The following KIF18A variants were observed in gnomAD, a reference collection of about 807,000 sequenced individuals.
KIF18A encodes kinesin family member 18A.
A neutral mutation model predicts 103.3 loss-of-function variants in KIF18A; 67 were observed. That is an observed-to-expected ratio of 0.65 (90% CI 0.53 to 0.79). The LOEUF is 0.79. Among genes scored for constraint, KIF18A ranks in the 30% least tolerant of loss-of-function variants. The pLI, the probability that KIF18A is intolerant of heterozygous loss-of-function variation, is 0.00. For missense variants in KIF18A, 1,032 were observed against 1,062.5 expected, an observed-to-expected ratio of 0.97 and a Z score of 0.40; for synonymous variants, 367 against 355.5, an observed-to-expected ratio of 1.03 and a Z score of -0.36.
chr11:28,085,551 C>T lies in KIF18A; in HGVS notation c.898-743G>A, dbSNP rs118024556. Among the ~76,000 whole-genome samples, 181 of 152,326 alleles carry T rather than the reference C, an allele frequency of 1.2e-3. 2 individuals carry two copies. The highest frequency in any genetic ancestry group is 9.7e-3 in the East Asian group (50 of 5,174). ...ACACGGATGTATGCGCCATCTCTCT[C>T]TCTGTTATCGGCTACCTAAGAGGGA... On this transcript the variant is annotated intron_variant, in intron 6 of 16. Transcript: ENST00000263181.
At chr11:28,074,290 C>G (rs561847543) in intron 10 of KIF18A, among the ~76,000 whole-genome samples, 1 of 152,184 alleles carries the variant, frequency 6.6e-6, no homozygotes, top group South Asian at 2.1e-4. Context: ...TTCACAACAA[C>G]AAATTGATAA....
chr11:28,096,168 T>G, intron 2 of KIF18A, among the ~76,000 whole-genome samples: 1 of 62,578 alleles, frequency 1.6e-5, no homozygotes, highest in African/African-American at 7.5e-5. Context: ...ACAGCAAGAC[T>G]TCATCAAAAA....
At chr11:28,069,536 C>T (rs1565082833) in intron 10 of KIF18A, 113 bp from the exon 11 acceptor site, 3 of 1,008,604 alleles carry the variant, frequency 3.0e-6, no homozygotes, top group South Asian at 3.9e-5. Flanking sequence ...TTAAGTTAGG[C>T]TACATTTTTG....
At chr11:28,057,429 G>A (rs779946662) in intron 13 of KIF18A, among the ~76,000 whole-genome samples, 5 of 152,036 alleles carry the variant, frequency 3.3e-5, no homozygotes, top group Non-Finnish European at 5.9e-5. Flanking sequence ...GCAGGAGAAT[G>A]GTGTGAACCC....
At chr11:28,051,232 G>T (rs899924710) in intron 13 of KIF18A, among the ~76,000 whole-genome samples, 9 of 151,494 alleles carry the variant, frequency 5.9e-5, no homozygotes, top group Admixed American at 4.0e-4. Flanking sequence ...ACAAAGCAAA[G>T]AATATTTTTC....
chr11:28,076,974 T>A, intron 10 of KIF18A, 33 bp downstream of exon 10: 2 of 1,100,770 alleles, frequency 1.8e-6, no homozygotes, highest in Non-Finnish European at 2.5e-6. Flanking sequence ...GTTTTTATAC[T>A]TTCTAAAATT....
chr11:28,042,031 A>C (rs1850567150), intron 13 of KIF18A, among the ~76,000 whole-genome samples: 1 of 151,610 alleles, frequency 6.6e-6, no homozygotes, highest in African/African-American at 2.4e-5. Flanking sequence ...TAACTGTAGG[A>C]GTCCTGGAAT....
intron 4 of KIF18A, among the ~76,000 whole-genome samples, chr11:28,091,175 T>TAC (rs1263540028): frequency 6.6e-6 from 1 of 151,912 alleles, no homozygotes; most frequent in Non-Finnish European, 1.5e-5. Flanking sequence ...CATACATACA[T>TAC]ACATACATAC....
At chr11:28,079,099 T>A (rs935609954) in intron 9 of KIF18A, among the ~76,000 whole-genome samples, 1 of 152,080 alleles carries the variant, frequency 6.6e-6, no homozygotes, top group Non-Finnish European at 1.5e-5. Flanking sequence ...ACTTATTTCA[T>A]AGCTCAGGCC....
chr11:28,037,062 T>G (rs1469721874), intron 13 of KIF18A, among the ~76,000 whole-genome samples: 1 of 151,588 alleles, frequency 6.6e-6, no homozygotes, highest in African/African-American at 2.4e-5. Context: ...ACTTGTTCCA[T>G]TGTAAAATAT....
At chr11:28,058,662 CAAAAAAAAAAAAAAAAA>C (rs58273868) in intron 13 of KIF18A, among the ~76,000 whole-genome samples, 23 of 64,438 alleles carry the variant, frequency 3.6e-4, no homozygotes, top group African/African-American at 7.2e-4. Context: ...ACCCTGTCAC[CAAAAAAAAAAAAAAAAA>C]AAAAAAAAAA....
rs1315555812 is a variant in KIF18A, at chr11:28,021,250, T to A, written c.2647A>T (p.Ser883Cys). The A allele has an allele frequency of 4.0e-6, 6 of 1,493,332 alleles. No individual in the cohort carries two copies. Among genetic ancestry groups the A allele is most frequent in the Non-Finnish European group, 5.4e-6 (6 of 1,112,926 alleles). The allele number at this position is 1,493,332 out of a possible 1,614,324, so 92.5% of individuals were successfully genotyped here. A position where few individuals can be genotyped will look rare whatever the true frequency, so the allele number is the denominator to read the frequency against. ...TTTCTTCCAAATTTTCTAACCATGC[T>A]TGGATTTATTTTACAGATGTTTCTT... ...HKRNICKINP[S>C]MVRKFGRNIS... The change falls in exon 17 of 17, where the codon AGC (serine) becomes TGC (cysteine). Residue 883 changes from serine (S) to cysteine (C), a missense_variant. Ser to Cys is a moderately radical substitution (Grantham distance 112, BLOSUM62 -1). Transcript: ENST00000263181.
chr11:28,088,466 T>A, intron 6 of KIF18A, 58 bp downstream of exon 6: 1 of 1,364,452 alleles, frequency 7.3e-7, no homozygotes, highest in Non-Finnish European at 1.0e-6. Context: ...TTAAATAGTA[T>A]CTTTCTTATC....
At chr11:28,025,609 C>A (rs969246738) in intron 15 of KIF18A, among the ~76,000 whole-genome samples, 13 of 151,716 alleles carry the variant, frequency 8.6e-5, no homozygotes, top group African/African-American at 3.1e-4. Context: ...TAATAAATTG[C>A]GTATTTATAT....
intron 11 of KIF18A, among the ~76,000 whole-genome samples, chr11:28,063,788 G>T (rs936673618): frequency 2.6e-5 from 4 of 151,838 alleles, no homozygotes; most frequent in Non-Finnish European, 5.9e-5. Context: ...TCCTCCTAGG[G>T]ACAATTCTCA....
At chr11:28,088,794 A>G in intron 5 of KIF18A, 73 bp from the exon 6 acceptor site, 1 of 1,126,568 alleles carries the variant, frequency 8.9e-7, no homozygotes, top group Non-Finnish European at 1.3e-6. Context: ...ATATACTTTA[A>G]TAGAGCACAA....
At chr11:28,040,599 C>T (rs1441976474) in intron 13 of KIF18A, among the ~76,000 whole-genome samples, 1 of 151,544 alleles carries the variant, frequency 6.6e-6, no homozygotes, top group African/African-American at 2.4e-5. Context: ...ACCCTAGCAA[C>T]GTGGGTGCTA....
intron 3 of KIF18A, among the ~76,000 whole-genome samples, chr11:28,093,596 C>A (rs1241092184): frequency 6.6e-6 from 1 of 151,984 alleles, no homozygotes; most frequent in African/African-American, 2.4e-5. Flanking sequence ...ACACAAGAGA[C>A]AACATGAAGA....
At chr11:28,091,573 A>G in intron 3 of KIF18A, 60 bp from the exon 4 acceptor site, 1 of 779,898 alleles carries the variant, frequency 1.3e-6, no homozygotes, top group Non-Finnish European at 2.1e-6. Context: ...TGATTACATC[A>G]CACATACACT....
Sources: gnomAD v4.1 joint callset for allele counts (sites outside exome capture counted in the v4.1 genomes callset) on GRCh38, gnomAD v4.1.1 for gene constraint, MANE v1.5 for transcripts, NCBI Gene and HGNC (gene_info 2026-07-23, HGNC 2026-07-21) for gene names.